SNUPN: variants seen among roughly 807,000 people sequenced by gnomAD.
SNUPN encodes snurportin 1, also known as snurportin-1.
A neutral mutation model predicts 39.2 loss-of-function variants in SNUPN; 31 were observed. That is an observed-to-expected ratio of 0.79 (90% CI 0.59 to 1.07). SNUPN has a LOEUF of 1.07. Ranked by LOEUF, SNUPN falls within the 50% of genes least tolerant of loss-of-function variation. The pLI, the probability that SNUPN is intolerant of heterozygous loss-of-function variation, is 0.00. For synonymous variants in SNUPN, 132 were observed against 159.0 expected, an observed-to-expected ratio of 0.83 and a Z score of 1.28; for missense variants, 382 against 434.2, an observed-to-expected ratio of 0.88 and a Z score of 1.07.
intron 2 of SNUPN, among the ~76,000 whole-genome samples, chr15:75,618,892 C>G (rs987579546): frequency 6.6e-6 from 1 of 151,938 alleles, no homozygotes; most frequent in Non-Finnish European, 1.5e-5. Flanking sequence ...TATGAAGTAT[C>G]CATTCCACGG....
intron 1 of SNUPN, among the ~76,000 whole-genome samples, chr15:75,624,341 G>C (rs933146137): frequency 1.3e-5 from 2 of 150,682 alleles, no homozygotes; most frequent in Non-Finnish European, 3.0e-5. Context: ...CTCCCGCTCT[G>C]CCAAGAACCA....
rs189241197 is a variant in SNUPN at position 75,622,566 on chromosome 15, C to T, written c.-5-1510G>A. 13 of 869,910 alleles carry T rather than the reference C, an allele frequency of 1.5e-5. No individual in the cohort carries two copies. The East Asian group carries it at 1.6e-3, about 105-fold the overall frequency. The allele number at this position is 869,910 out of a possible 1,614,324, so 53.9% of individuals were successfully genotyped here. ...CTGTGAGCCTTAGATTATAAGAAAA[C>T]AGGAACATTTGGGAGAAATCTGACT... On this transcript the variant is annotated intron_variant, in intron 1 of 8. Transcript: ENST00000308588.
At chr15:75,613,258 CAAAAAAAAAAAA>C (rs905447706) in intron 3 of SNUPN, among the ~76,000 whole-genome samples, 2 of 40,614 alleles carry the variant, frequency 4.9e-5, no homozygotes, top group African/African-American at 1.4e-4. Context: ...GACTCCATCT[CAAAAAAAAAAAA>C]AAAAAAAAAA....
chr15:75,601,797 G>A (rs574629152), intron 7 of SNUPN, among the ~76,000 whole-genome samples: 1 of 152,092 alleles, frequency 6.6e-6, no homozygotes, highest in East Asian at 1.9e-4. Context: ...AAACAAAGAA[G>A]AAAAGTTTTC....
At chr15:75,605,077 A>G (rs2075320629) in intron 7 of SNUPN, 73 bp downstream of exon 7, 1 of 893,828 alleles carries the variant, frequency 1.1e-6, no homozygotes, top group Non-Finnish European at 1.8e-6. Flanking sequence ...ATACATAATG[A>G]TTATATTTAG....
chr15:75,607,122 G>T lies in SNUPN; in HGVS notation c.600+94C>A. 2 of 823,926 alleles carry T rather than the reference G, an allele frequency of 2.4e-6. 1 individual carries two copies. Among genetic ancestry groups the T allele is most frequent in the South Asian group, 2.7e-5 (2 of 74,784 alleles). 51.0% of individuals were successfully genotyped at this position (823,926 alleles called of 1,614,324 possible). ...ATATACCACATCCTGTGCACACCAA[G>T]AAGTTGGTCACATACCAAACCCACA... On this transcript the variant is annotated intron_variant, in intron 6 of 8. Coordinates refer to ENST00000308588, the MANE Select transcript of SNUPN (RefSeq NM_005701.4).
At position 75,609,485 on chromosome 15, in the gene SNUPN, G is replaced by A. The variant is rs901321923; in HGVS notation, c.502+73C>T. 7.1e-5 allele frequency: 88 copies of A among 1,240,340 alleles called. 1 individual carries two copies. Among genetic ancestry groups the A allele is most frequent in the Admixed American group, 1.2e-4 (7 of 59,124 alleles). 76.8% of individuals were successfully genotyped at this position (1,240,340 alleles called of 1,614,324 possible). On this transcript the variant is annotated intron_variant, in intron 5 of 8. Transcript: ENST00000308588. Reference sequence around the variant, plus strand: ...ATTACAGGCGTGAGCCACCGCGCCCGGCCCAAAGTGGGTCTTTAAAGCAAA... The same window carrying A: ...ATTACAGGCGTGAGCCACCGCGCCCAGCCCAAAGTGGGTCTTTAAAGCAAA...
At chr15:75,615,670 C>T (rs903528269) in intron 3 of SNUPN, among the ~76,000 whole-genome samples, 3 of 131,796 alleles carry the variant, frequency 2.3e-5, no homozygotes, top group Admixed American at 9.2e-5. Context: ...GGTGTGATCT[C>T]GGCTCACTGC....
In SNUPN at chr15:75,623,801, T is replaced by C. The variant is rs548750969; in HGVS notation, c.-6+1865A>G. 2.6e-5 allele frequency among the ~76,000 whole-genome samples: 4 copies of C among 152,272 alleles called. No individual in the cohort carries two copies. In the South Asian group the frequency reaches 6.2e-4, roughly 24 times the overall value. On this transcript the variant is annotated intron_variant, in intron 1 of 8. Coordinates refer to ENST00000308588, the MANE Select transcript of SNUPN (RefSeq NM_005701.4). ...CCAAGGGTTGCCATTCCTGAGTGAC[T>C]GAGGCCTCATGATGAGTGCTTGGGA...
rs553915253 is a variant in SNUPN, at chr15:75,615,591, C to G, written c.303+1817G>C. Among the ~76,000 whole-genome samples, 305 of 138,176 alleles carry G rather than the reference C, an allele frequency of 2.2e-3. 2 individuals are homozygous for G. Among genetic ancestry groups the G allele is most frequent in the African/African-American group, 8.1e-3 (289 of 35,490 alleles). The allele number at this position is 138,176 out of a possible 152,430, so 90.6% of individuals were successfully genotyped here. On this transcript the variant is annotated intron_variant, in intron 3 of 8. Transcript: ENST00000308588. ...TCCTTCCTCCTTGGTTGGAAGGAAT[C>G]TCATTTTTTTTTTTTTTTTTTTTTT...
Position 75,620,926 on chromosome 15 carries a change from C to A in SNUPN, c.126G>T (p.Glu42Asp). The part of the protein sequence containing the change: ...KSKYSSLEQS[E>D]RRRRLLELQK... ...GCAGTTCCAGTAACCTCCGGCGGCG[C>A]TCACTCTGCTCCAAGGAACTGTACT... Residue 42 changes from glutamate to aspartate, a missense_variant, in exon 2 of 9, where the codon GAG (glutamate) becomes GAT (aspartate). Coordinates refer to ENST00000308588, the MANE Select transcript of SNUPN (RefSeq NM_005701.4). The A allele has an allele frequency of 1.2e-6, 2 of 1,613,870 alleles. No individual in the cohort carries two copies. Among genetic ancestry groups the A allele is most frequent in the Non-Finnish European group, 1.7e-6 (2 of 1,179,944 alleles).
At chr15:75,610,684 C>A (rs916366824) in intron 3 of SNUPN, among the ~76,000 whole-genome samples, 1 of 152,178 alleles carries the variant, frequency 6.6e-6, no homozygotes, top group Non-Finnish European at 1.5e-5. Context: ...TGAATAAGAT[C>A]CCTGACCTTG....
chr15:75,610,951 C>T (rs958507282), intron 3 of SNUPN, among the ~76,000 whole-genome samples: 1 of 151,970 alleles, frequency 6.6e-6, no homozygotes, highest in Non-Finnish European at 1.5e-5. Context: ...GGGCGGATCA[C>T]GAGGTCAAGA....
chr15:75,604,667 A>G (rs1252121369), intron 7 of SNUPN, among the ~76,000 whole-genome samples: 1 of 152,242 alleles, frequency 6.6e-6, no homozygotes, highest in African/African-American at 2.4e-5. Context: ...CCTATTTTTC[A>G]GATGGAAAAT....
Position 75,598,607 on chromosome 15 carries a change from G to A in SNUPN, c.834C>T (p.Arg278=), listed in dbSNP as rs2075260907. 1.2e-6 allele frequency: 2 copies of A among 1,613,858 alleles called. No homozygotes were observed. Among genetic ancestry groups the A allele is most frequent in the African/African-American group, 2.7e-5 (2 of 74,926 alleles). ...CAAGGACATCTGACACCATGTAGGG[G>A]CGCAGCCAGCCCACCAAGGGAGTGC... The part of the protein sequence containing the change: ...PGSTPLVGWL[R]PYMVSDVLGV... The change falls in exon 9 of 9, where the codon CGC becomes CGT. Residue 278 remains arginine, a synonymous_variant. Transcript: ENST00000308588.
At chr15:75,599,590 T>C (rs1035432592) in intron 8 of SNUPN, among the ~76,000 whole-genome samples, 1 of 152,228 alleles carries the variant, frequency 6.6e-6, no homozygotes, top group African/African-American at 2.4e-5. Flanking sequence ...GGAAACAGTT[T>C]TTCTCAACGG....
chr15:75,621,179 C>G, intron 1 of SNUPN, 123 bp from the exon 2 acceptor site: 2 of 853,136 alleles, frequency 2.3e-6, no homozygotes. Flanking sequence ...TGCAAAATCA[C>G]AAGTGTTTCC....
rs1269019199 is a variant in SNUPN, at chr15:75,598,411, A to G, written c.1030T>C (p.Leu344=). 6.2e-7 allele frequency: 1 copy of G among 1,614,206 alleles called. No homozygotes were observed. Among genetic ancestry groups the G allele is most frequent in the Middle Eastern group, 1.6e-4 (1 of 6,062 alleles). ...YELEHLSTPK[L]KGSSHSPDHP... is the part of the protein sequence containing the mutation. ...TCTGGGCTATGGGAAGAACCCTTCA[A>G]CTTGGGAGTAGACAGGTGCTCCAAT... The change falls in exon 9 of 9, where the codon TTG becomes CTG. Residue 344 remains leucine (L), a synonymous_variant. Coordinates refer to ENST00000308588, the MANE Select transcript of SNUPN (RefSeq NM_005701.4).
chr15:75,616,240 T>G (rs1387399289), intron 3 of SNUPN, among the ~76,000 whole-genome samples: 1 of 151,206 alleles, frequency 6.6e-6, no homozygotes, highest in Non-Finnish European at 1.5e-5. Context: ...GTGGATCACC[T>G]GAGGTCGGGA....
Sources: gnomAD v4.1 joint callset for allele counts (sites outside exome capture counted in the v4.1 genomes callset) on GRCh38, gnomAD v4.1.1 for gene constraint, MANE v1.5 for transcripts, NCBI Gene and HGNC (gene_info 2026-07-23, HGNC 2026-07-21) for gene names.